CNBD1: variants seen among roughly 807,000 people sequenced by gnomAD.
The protein encoded by CNBD1 is cyclic nucleotide-binding domain-containing protein 1.
A neutral mutation model predicts 54.4 loss-of-function variants in CNBD1; 71 were observed. That is an observed-to-expected ratio of 1.30 (90% CI 1.08 to 1.59). CNBD1 has a LOEUF of 1.59. CNBD1 is among the 40% of genes most tolerant of loss of function. CNBD1 has a pLI of 0.00. For synonymous variants in CNBD1, 182 were observed against 170.7 expected, an observed-to-expected ratio of 1.07 and a Z score of -0.51; for missense variants, 659 against 518.0, an observed-to-expected ratio of 1.27 and a Z score of -2.64.
intron 4 of CNBD1, among the ~76,000 whole-genome samples, chr8:87,059,930 G>A (rs1810507317): frequency 6.6e-6 from 1 of 152,184 alleles, no homozygotes; most frequent in Non-Finnish European, 1.5e-5. Flanking sequence ...TTGGCAGCCT[G>A]TGCTAACAAA....
chr8:87,383,456 C>T (rs1305621984), downstream of CNBD1, among the ~76,000 whole-genome samples: 1 of 152,058 alleles, frequency 6.6e-6, no homozygotes, highest in Non-Finnish European at 1.5e-5. Context: ...AGAACTAAGG[C>T]TTTATGCAGT....
At chr8:87,170,947 C>T (rs1813072332) in intron 4 of CNBD1, among the ~76,000 whole-genome samples, 1 of 152,084 alleles carries the variant, frequency 6.6e-6, no homozygotes, top group African/African-American at 2.4e-5. Context: ...CACCAATATT[C>T]ATCGGAGATA....
intron 2 of CNBD1, among the ~76,000 whole-genome samples, chr8:87,415,526 T>C (rs1027266168): frequency 6.6e-6 from 1 of 152,106 alleles, no homozygotes; most frequent in Non-Finnish European, 1.5e-5. Context: ...AGCCTCATCA[T>C]GACACTACAG....
intron 4 of CNBD1, among the ~76,000 whole-genome samples, chr8:87,177,734 G>A (rs1813228668): frequency 6.6e-6 from 1 of 151,816 alleles, no homozygotes; most frequent in Non-Finnish European, 1.5e-5. Flanking sequence ...GTACTTATGA[G>A]ATAGATGCAA....
chr8:87,428,133 AC>A (rs33960330), intron 2 of CNBD1, among the ~76,000 whole-genome samples: 59,376 of 149,030 alleles, frequency 0.4, 12,187 homozygotes, highest in Middle Eastern at 0.46. Flanking sequence ...TCCTCCCCCA[AC>A]CAAAAAAAAG....
rs150557219 is a variant in CNBD1 at position 87,398,046 on chromosome 8, G to A, written c.214-30500G>A. Among the ~76,000 whole-genome samples the A allele has an allele frequency of 3.1e-3, 472 of 151,640 alleles. 5 individuals are homozygous for A. Among genetic ancestry groups the A allele is most frequent in the African/African-American group, 1.0e-2 (412 of 41,304 alleles). Reference sequence around the variant, plus strand: ...TTTCATTTGTAAATTGCTCAGTCTCGGGTATATCTTTATCAGTGAAAATGG... The same window carrying A: ...TTTCATTTGTAAATTGCTCAGTCTCAGGTATATCTTTATCAGTGAAAATGG... On this transcript the variant is annotated intron_variant, in intron 2 of 7. Transcript: ENST00000521593.
At chr8:86,989,705 C>G (rs1156376447) in intron 4 of CNBD1, among the ~76,000 whole-genome samples, 2 of 152,158 alleles carry the variant, frequency 1.3e-5, no homozygotes, top group African/African-American at 4.8e-5. Flanking sequence ...CCCACCTCGG[C>G]CTCCCAAAGT....
chr8:87,041,984 T>G (rs899519333), intron 4 of CNBD1, among the ~76,000 whole-genome samples: 4 of 152,108 alleles, frequency 2.6e-5, no homozygotes, highest in Admixed American at 2.0e-4. Context: ...GTGACTTTAT[T>G]AAGTTTGAAC....
chr8:87,427,516 A>G (rs1484152479), intron 2 of CNBD1, among the ~76,000 whole-genome samples: 2 of 152,188 alleles, frequency 1.3e-5, no homozygotes, highest in East Asian at 1.9e-4. Flanking sequence ...AAAAAATGTA[A>G]TATGGAGATT....
chr8:86,872,853 A>G (rs1808460424), intron 1 of CNBD1, among the ~76,000 whole-genome samples: 1 of 152,158 alleles, frequency 6.6e-6, no homozygotes, highest in Non-Finnish European at 1.5e-5. Context: ...TTGCAAATAT[A>G]GTCTCCATTC....
rs566252732 is a variant in CNBD1, at chr8:87,259,065, AT to A, written c.771+21959del. On this transcript the variant is annotated intron_variant, in intron 6 of 10. Transcript: ENST00000518476. ...CCTTACACACCTTGTATGTAAACCT[AT>A]TTTTTCAGTAGTCTCAATTACATGT... Among the ~76,000 whole-genome samples the A allele has an allele frequency of 3.4e-4, 51 of 152,096 alleles. No individual in the cohort carries two copies. In the East Asian group the frequency reaches 3.9e-3, roughly 12 times the overall value.
intron 2 of CNBD1, among the ~76,000 whole-genome samples, chr8:87,409,529 A>G (rs1436592365): frequency 6.6e-6 from 1 of 152,176 alleles, no homozygotes; most frequent in Non-Finnish European, 1.5e-5. Context: ...GCTACAGTAA[A>G]CAATAGACAA....
At chr8:87,372,016 G>T (rs534902027) in intron 10 of CNBD1, among the ~76,000 whole-genome samples, 9 of 151,940 alleles carry the variant, frequency 5.9e-5, no homozygotes, top group East Asian at 1.9e-4. Context: ...GGAAATAAAG[G>T]GTATTCAATT....
At position 87,131,457 on chromosome 8, in the gene CNBD1, C is replaced by T. The variant is rs146162649; in HGVS notation, c.432-74536C>T. Reference sequence around the variant, plus strand: ...TCATATAGGTCATTTTTTCTCACTCCATTTTGGCTATCATTGTCATATATA... The same window carrying T: ...TCATATAGGTCATTTTTTCTCACTCTATTTTGGCTATCATTGTCATATATA... On this transcript the variant is annotated intron_variant, in intron 4 of 10. Coordinates refer to ENST00000518476, the MANE Select transcript of CNBD1 (RefSeq NM_173538.3). 7.3e-3 allele frequency among the ~76,000 whole-genome samples: 1,107 copies of T among 152,074 alleles called. 14 individuals are homozygous for T. The highest frequency in any genetic ancestry group is 0.025 in the African/African-American group (1,041 of 41,506).
intron 4 of CNBD1, among the ~76,000 whole-genome samples, chr8:87,083,132 G>T (rs1270907375): frequency 1.3e-5 from 2 of 152,068 alleles, no homozygotes; most frequent in Non-Finnish European, 2.9e-5. Flanking sequence ...TTACTTTCCA[G>T]TCTCACCCTG....
chr8:87,179,746 C>A (rs1389400304), intron 4 of CNBD1, among the ~76,000 whole-genome samples: 1 of 152,132 alleles, frequency 6.6e-6, no homozygotes, highest in African/African-American at 2.4e-5. Context: ...TCATTCACTA[C>A]AGATTGCAAC....
chr8:87,335,905 G>T (rs927679483), intron 8 of CNBD1, among the ~76,000 whole-genome samples: 1 of 152,154 alleles, frequency 6.6e-6, no homozygotes, highest in East Asian at 1.9e-4. Flanking sequence ...GCCTGGTGGT[G>T]ATGAATTCCC....
chr8:87,110,879 G>A (rs1442723445), intron 4 of CNBD1, among the ~76,000 whole-genome samples: 1 of 152,142 alleles, frequency 6.6e-6, no homozygotes, highest in Non-Finnish European at 1.5e-5. Context: ...CAGATCAATA[G>A]CTTCATGTAA....
At chr8:86,916,535 G>A (rs912785504) in intron 3 of CNBD1, among the ~76,000 whole-genome samples, 2 of 139,670 alleles carry the variant, frequency 1.4e-5, no homozygotes, top group East Asian at 4.4e-4. Context: ...TCCCTAGAAA[G>A]TCATATACCT....
Sources: gnomAD v4.1 joint callset for allele counts (sites outside exome capture counted in the v4.1 genomes callset) on GRCh38, gnomAD v4.1.1 for gene constraint, MANE v1.5 for transcripts, NCBI Gene and HGNC (gene_info 2026-07-23, HGNC 2026-07-21) for gene names.